CDCA7L: variants seen among roughly 807,000 people sequenced by gnomAD.
CDCA7L encodes the protein cell division cycle associated 7 like, also known as cell division cycle-associated 7-like protein.
In CDCA7L, 44 loss-of-function variants were observed where a neutral mutation model predicts 57.4. The ratio of observed to expected loss-of-function variants is 0.77; its 90% CI spans 0.60 to 0.98. The LOEUF (loss-of-function observed/expected upper bound fraction) is 0.98. CDCA7L is among the 50% of genes least tolerant of loss of function. The pLI is 0.00. For missense variants in CDCA7L, 644 were observed against 580.6 expected, an observed-to-expected ratio of 1.11 and a Z score of -1.12; for synonymous variants, 236 against 202.8, an observed-to-expected ratio of 1.16 and a Z score of -1.39.
chr7:21,935,199 T>TA (rs766467434), intron 1 of CDCA7L, among the ~76,000 whole-genome samples: 44 of 152,320 alleles, frequency 2.9e-4, no homozygotes, highest in Admixed American at 4.6e-4. Flanking sequence ...TATCCTTTGT[T>TA]ACAGTAGAGT....
intron 8 of CDCA7L, chr7:21,903,831 G>A: frequency 3.2e-6 from 1 of 311,842 alleles, no homozygotes; most frequent in Non-Finnish European, 5.9e-6. Context: ...TGAAGGACAG[G>A]TACAGGGATT....
Position 21,901,152 on chromosome 7 carries a change from C to T in CDCA7L, c.*1170G>A. 6.2e-7 allele frequency: 1 copy of T among 1,612,924 alleles called. No homozygotes were observed. The highest frequency in any genetic ancestry group is 8.5e-7 in the Non-Finnish European group (1 of 1,179,094). ...CCTACGAGTGCCCTGTGTATAGAAC[C>T]AAACTGAGAGGCCCCAGCTACATCT... On this transcript the variant is annotated 3_prime_UTR_variant, in exon 10 of 10. Transcript: ENST00000406877.
chr7:21,902,842 TA>T lies in CDCA7L; in HGVS notation c.1334+135del, dbSNP rs1248213531. Reference sequence around the variant, plus strand: ...CCTGAGCTTTTCCAATGCAAACAGATACAGAATGGATGGTACTCGTGGTTTA... The same window carrying T: ...CCTGAGCTTTTCCAATGCAAACAGATCAGAATGGATGGTACTCGTGGTTTA... On this transcript the variant is annotated intron_variant, in intron 9 of 9. Coordinates refer to ENST00000406877, the MANE Select transcript of CDCA7L (RefSeq NM_018719.5). 10 of 742,736 alleles carry T rather than the reference TA, an allele frequency of 1.3e-5. No homozygotes were observed. The African/African-American group carries it at 1.6e-4, about 12-fold the overall frequency. 46.0% of individuals were successfully genotyped at this position (742,736 alleles called of 1,614,324 possible). A position where few individuals can be genotyped will look rare whatever the true frequency, so the allele number is the denominator to read the frequency against.
intron 1 of CDCA7L, among the ~76,000 whole-genome samples, chr7:21,935,747 G>A (rs1164848647): frequency 1.3e-5 from 2 of 152,162 alleles, no homozygotes; most frequent in African/African-American, 2.4e-5. Context: ...TGTGGCTCAC[G>A]CCTGTAATCC....
In CDCA7L at chr7:21,901,264, G is replaced by GGCATTCCTCTAGCCTCTGCT; in HGVS notation, c.*1038_*1057dup. The GGCATTCCTCTAGCCTCTGCT allele has an allele frequency of 1.3e-6, 2 of 1,595,302 alleles. No individual in the cohort carries two copies. Among genetic ancestry groups the GGCATTCCTCTAGCCTCTGCT allele is most frequent in the Non-Finnish European group, 1.7e-6 (2 of 1,170,964 alleles). On this transcript the variant is annotated 3_prime_UTR_variant, in exon 10 of 10. Coordinates refer to ENST00000406877, the MANE Select transcript of CDCA7L (RefSeq NM_018719.5). ...GCTTCTAGAAGCGTAAGGTAACACTGGCATTCCTCTAGCCTCTGCTGGAGT... is the reference window on the plus strand; with the variant it reads ...GCTTCTAGAAGCGTAAGGTAACACTGGCATTCCTCTAGCCTCTGCTGCATTCCTCTAGCCTCTGCTGGAGT...
At position 21,923,407 on chromosome 7, in the gene CDCA7L, C is replaced by T. The variant is rs190743356; in HGVS notation, c.25-6513G>A. The stretch of plus-strand genomic sequence containing the variant: ...ACTCATGAAGCTAAAATGGGAGGAT[C>T]GGTTGAGCCCATGAGTTAGAGGCTG... On this transcript the variant is annotated intron_variant, in intron 1 of 9. Transcript: ENST00000406877. 8.6e-5 allele frequency among the ~76,000 whole-genome samples: 13 copies of T among 152,020 alleles called. No individual in the cohort carries two copies. In the East Asian group the frequency reaches 2.5e-3, roughly 29 times the overall value.
rs1445912219 is a variant in CDCA7L, at chr7:21,902,323, T to TAATTGTCTTCTA, written c.1352_1363dup (p.Asn454_Ter455insLeuGluAspAsn). 1.2e-6 allele frequency: 2 copies of TAATTGTCTTCTA among 1,613,848 alleles called. No individual in the cohort carries two copies. The highest frequency in any genetic ancestry group is 2.2e-5 in the East Asian group (1 of 44,886). On this transcript the variant is annotated inframe_insertion, in exon 10 of 10. Coordinates refer to ENST00000406877, the MANE Select transcript of CDCA7L (RefSeq NM_018719.5). Reference sequence around the variant, plus strand: ...TGGCTGGTTCTGTTTGTTTTCCTCTTAATTGTCTTCTACCAGCTCCTTTTG... The same window carrying TAATTGTCTTCTA: ...TGGCTGGTTCTGTTTGTTTTCCTCTTAATTGTCTTCTAAATTGTCTTCTACCAGCTCCTTTTG...
chr7:21,929,631 CAAAAAAA>C (rs57283961), intron 1 of CDCA7L, among the ~76,000 whole-genome samples: 19 of 35,508 alleles, frequency 5.4e-4, no homozygotes, highest in African/African-American at 2.4e-3. Flanking sequence ...AAATGGAAAG[CAAAAAAA>C]AAAAAAAAAA....
At chr7:21,933,235 C>T (rs1398019834) in intron 1 of CDCA7L, among the ~76,000 whole-genome samples, 1 of 152,172 alleles carries the variant, frequency 6.6e-6, no homozygotes, top group African/African-American at 2.4e-5. Flanking sequence ...TTGCAGAAGA[C>T]AGTGTGGCGA....
At chr7:21,921,355 A>AC (rs1785646295) in intron 1 of CDCA7L, among the ~76,000 whole-genome samples, 1 of 151,742 alleles carries the variant, frequency 6.6e-6, no homozygotes, top group African/African-American at 2.4e-5. Context: ...AAAAAAAAAA[A>AC]AAACTGTAAA....
intron 8 of CDCA7L, chr7:21,903,886 A>G (rs1260733493): frequency 7.3e-6 from 3 of 410,024 alleles, no homozygotes; most frequent in African/African-American, 2.1e-5. Context: ...TGCTCTGACA[A>G]TGGAAAATCT....
In CDCA7L at chr7:21,903,147, A is replaced by G. The variant is rs190557227; in HGVS notation, c.1198-33T>C. 5.4e-4 allele frequency: 862 copies of G among 1,603,774 alleles called. 5 individuals are homozygous for G. Among genetic ancestry groups the G allele is most frequent in the Middle Eastern group, 1.7e-3 (10 of 6,034 alleles). ...AGAGATGACAGCAGACACTTCGCTC[A>G]TTATCTACAGGGTCTGGCAAGAACT... is the stretch of plus-strand genomic sequence containing the variant. On this transcript the variant is annotated intron_variant, in intron 8 of 9. Coordinates refer to ENST00000406877, the MANE Select transcript of CDCA7L (RefSeq NM_018719.5).
chr7:21,944,664 A>T (rs1583885687), intron 1 of CDCA7L: 2 of 152,258 alleles, frequency 1.3e-5, no homozygotes, highest in African/African-American at 4.8e-5. Flanking sequence ...AATTACTAAA[A>T]GGCCAAAGCT....
chr7:21,933,154 G>T (rs1490832335), intron 1 of CDCA7L, among the ~76,000 whole-genome samples: 1 of 152,172 alleles, frequency 6.6e-6, no homozygotes, highest in Non-Finnish European at 1.5e-5. Context: ...GGAAACAACA[G>T]ATGCTGGAGG....
In CDCA7L at chr7:21,904,224, G is replaced by C. The variant is rs144495438; in HGVS notation, c.1083C>G (p.Ile361Met). Residue 361 changes from isoleucine to methionine, a missense_variant, in exon 8 of 10, where the codon ATC becomes ATG. Ile to Met is a conservative substitution (Grantham distance 10). Transcript: ENST00000406877. The part of the protein sequence containing the change: ...NTCHQCRQKT[I>M]DTKTVCRNQG... ...GGTTCCGACACACTGTCTTGGTGTC[G>C]ATGGTCTTTTGTCGACACTGATGGC... is the stretch of plus-strand genomic sequence containing the variant. 4.3e-6 allele frequency: 7 copies of C among 1,612,574 alleles called. No individual in the cohort carries two copies. In the East Asian group the frequency reaches 6.7e-5, roughly 15 times the overall value.
In CDCA7L at chr7:21,911,676, C is replaced by T; in HGVS notation, c.244G>A (p.Glu82Lys). 1.9e-6 allele frequency: 3 copies of T among 1,613,894 alleles called. No individual in the cohort carries two copies. The East Asian group carries it at 6.7e-5, about 36-fold the overall frequency. Residue 82 changes from glutamate (E) to lysine (K), a missense_variant, in exon 3 of 10, where the codon GAG becomes AAG. Physicochemically the swap from Glu to Lys is moderately conservative, Grantham distance 56 (BLOSUM62 1). Transcript: ENST00000406877. Reference sequence around the variant, plus strand: ...CTCTGCGTAAATCCTGCAAAATCCTCAGTCTCTGAGTCAGTGTCCTCTATA... The same window carrying T: ...CTCTGCGTAAATCCTGCAAAATCCTTAGTCTCTGAGTCAGTGTCCTCTATA... Reference protein sequence around the residue: ...IFIEDTDSETEDFAGFTQSDL... With the variant: ...IFIEDTDSETKDFAGFTQSDL...
intron 1 of CDCA7L, among the ~76,000 whole-genome samples, chr7:21,930,558 G>A (rs568716230): frequency 3.1e-4 from 47 of 151,998 alleles, no homozygotes; most frequent in African/African-American, 8.0e-4. Flanking sequence ...TTAGCTGGGC[G>A]TGGTGGCGGG....
intron 1 of CDCA7L, among the ~76,000 whole-genome samples, chr7:21,922,413 C>T (rs555388099): frequency 6.6e-6 from 1 of 152,264 alleles, no homozygotes; most frequent in East Asian, 1.9e-4. Context: ...CAGGCCACTC[C>T]TCCACTCCAG....
rs895994966 is a variant in CDCA7L at position 21,916,645 on chromosome 7, G to C, written c.165+109C>G. 51 of 996,042 alleles carry C rather than the reference G, an allele frequency of 5.1e-5. 1 individual carries two copies. The highest frequency in any genetic ancestry group is 3.4e-4 in the African/African-American group (21 of 61,540). The allele number at this position is 996,042 out of a possible 1,614,324, so 61.7% of individuals were successfully genotyped here. ...ATAATGTTTCTAAAATAAAATGCTA[G>C]ACAATGAACTGATATCACCAATCTC... On this transcript the variant is annotated intron_variant, in intron 2 of 9. Coordinates refer to ENST00000406877, the MANE Select transcript of CDCA7L (RefSeq NM_018719.5).
Sources: allele counts gnomAD v4.1 joint callset (sites outside exome capture counted in the v4.1 genomes callset), GRCh38; gene constraint gnomAD v4.1.1; transcripts MANE v1.5; gene names NCBI Gene and HGNC (gene_info 2026-07-23, HGNC 2026-07-21).